Variants in ADGRL3 observed in about 807,000 individuals in gnomAD.
ADGRL3 encodes adhesion G protein-coupled receptor L3.
A neutral mutation model predicts 153.5 loss-of-function variants in ADGRL3; 62 were observed. That is an observed-to-expected ratio of 0.40 (90% CI 0.33 to 0.50). ADGRL3 has a LOEUF of 0.50. Ranked by LOEUF, ADGRL3 falls within the 20% of genes least tolerant of loss-of-function variation. ADGRL3 has a pLI of 0.47. For synonymous variants in ADGRL3, 710 were observed against 672.5 expected (o/e 1.06, Z -0.86); for missense variants, 1,641 against 1,859.4 (o/e 0.88, Z 2.16).
At chr4:61,768,113 G>A (rs1293460133) in intron 8 of ADGRL3, among the ~76,000 whole-genome samples, 2 of 152,114 alleles carry the variant, frequency 1.3e-5, no homozygotes, top group Non-Finnish European at 2.9e-5. Context: ...ATGAAAAAGA[G>A]CCTAAACGCT....
At chr4:61,661,831 A>G (rs1360856056) in intron 5 of ADGRL3, among the ~76,000 whole-genome samples, 1 of 152,360 alleles carries the variant, frequency 6.6e-6, no homozygotes, top group East Asian at 1.9e-4. Context: ...ATCAATATTA[A>G]AAAAGTTCCT....
chr4:61,472,196 A>T (rs1213784112), intron 2 of ADGRL3, among the ~76,000 whole-genome samples: 1 of 152,122 alleles, frequency 6.6e-6, no homozygotes, highest in Non-Finnish European at 1.5e-5. Flanking sequence ...TTTGGAGTTG[A>T]TAAGTGTTTA....
At chr4:61,518,777 G>A (rs747956303) in intron 4 of ADGRL3, among the ~76,000 whole-genome samples, 18 of 152,202 alleles carry the variant, frequency 1.2e-4, no homozygotes, top group African/African-American at 2.9e-4. Context: ...ATAGAAGCCT[G>A]TAGAATGGAC....
intron 1 of ADGRL3, among the ~76,000 whole-genome samples, chr4:61,206,706 G>A (rs771522871): frequency 5.3e-5 from 8 of 152,180 alleles, no homozygotes; most frequent in Non-Finnish European, 1.0e-4. Flanking sequence ...TAGAGGCTGA[G>A]TGCAGTGGCT....
intron 1 of ADGRL3, among the ~76,000 whole-genome samples, chr4:61,327,216 G>A (rs1222990347): frequency 6.6e-6 from 1 of 151,820 alleles, no homozygotes; most frequent in Non-Finnish European, 1.5e-5. Context: ...TATGTTAAAT[G>A]TATTCTTAGA....
chr4:61,512,672 A>G (rs1038400071), intron 3 of ADGRL3, among the ~76,000 whole-genome samples: 1 of 152,156 alleles, frequency 6.6e-6, no homozygotes, highest in African/African-American at 2.4e-5. Flanking sequence ...AGGAAATATT[A>G]TGAAATGTGA....
intron 2 of ADGRL3, among the ~76,000 whole-genome samples, chr4:61,432,895 C>A (rs113422764): frequency 6.6e-6 from 1 of 151,626 alleles, no homozygotes; most frequent in Non-Finnish European, 1.5e-5. Flanking sequence ...TCAGTTGATC[C>A]GCCTGCCTCA....
chr4:61,703,008 A>G (rs2095795805), intron 6 of ADGRL3, among the ~76,000 whole-genome samples: 1 of 152,084 alleles, frequency 6.6e-6, no homozygotes, highest in Middle Eastern at 3.2e-3. Flanking sequence ...TTAATTCAGT[A>G]TCACTGTGAT....
chr4:61,909,411 T>G, intron 11 of ADGRL3, 149 bp from the exon 12 acceptor site: 1 of 563,358 alleles, frequency 1.8e-6, no homozygotes, highest in Non-Finnish European at 3.0e-6. Flanking sequence ...GCAGGAAAAA[T>G]TGGGGAGTGT....
intron 1 of ADGRL3, among the ~76,000 whole-genome samples, chr4:61,212,852 T>A (rs764318340): frequency 4.3e-4 from 65 of 152,162 alleles, no homozygotes; most frequent in Non-Finnish European, 7.2e-4. Flanking sequence ...CATTTTTTTT[T>A]ATGATTTGAT....
chr4:61,642,577 C>T (rs1481186679), intron 5 of ADGRL3, among the ~76,000 whole-genome samples: 8 of 151,980 alleles, frequency 5.3e-5, no homozygotes, highest in South Asian at 2.1e-4. Flanking sequence ...TTGTCAGGTT[C>T]GTCAAATATC....
chr4:61,247,374 G>A (rs997936692), intron 1 of ADGRL3, among the ~76,000 whole-genome samples: 4 of 152,070 alleles, frequency 2.6e-5, no homozygotes, highest in Non-Finnish European at 5.9e-5. Flanking sequence ...TTCTTGTAAT[G>A]TAGATTCTAT....
intron 6 of ADGRL3, among the ~76,000 whole-genome samples, chr4:61,678,452 A>G (rs2095260379): frequency 6.6e-6 from 1 of 151,996 alleles, no homozygotes; most frequent in South Asian, 2.1e-4. Context: ...TATTACTTTA[A>G]AATGTCTTTG....
chr4:61,852,667 A>G (rs991209461), intron 9 of ADGRL3, among the ~76,000 whole-genome samples: 3 of 152,138 alleles, frequency 2.0e-5, no homozygotes, highest in African/African-American at 4.8e-5. Context: ...TGAATACCCC[A>G]GTTAGTTTAT....
chr4:61,383,139 T>G lies in ADGRL3; in HGVS notation c.-224T>G, dbSNP rs567687706. On this transcript the variant is annotated 5_prime_UTR_variant, in exon 2 of 27. Transcript: ENST00000683033. ...TTTTTTTCAGAAATGTTTAATTTGG[T>G]AAATTGGAGGAAAAAAACATGGATT... 3.0e-4 allele frequency: 46 copies of G among 151,788 alleles called. No individual in the cohort carries two copies. The highest frequency in any genetic ancestry group is 1.0e-3 in the South Asian group (5 of 4,824). 9.4% of individuals were successfully genotyped at this position (151,788 alleles called of 1,614,324 possible).
chr4:61,721,602 C>CA, intron 6 of ADGRL3, among the ~76,000 whole-genome samples: 1 of 152,206 alleles, frequency 6.6e-6, no homozygotes, highest in East Asian at 1.9e-4. Flanking sequence ...AACACCCTCA[C>CA]AGACACACCC....
chr4:61,339,473 T>C (rs966267912), intron 1 of ADGRL3, among the ~76,000 whole-genome samples: 9 of 152,300 alleles, frequency 5.9e-5, no homozygotes, highest in Non-Finnish European at 1.2e-4. Flanking sequence ...ATAAGTGAGC[T>C]GGCATTGGAT....
intron 1 of ADGRL3, among the ~76,000 whole-genome samples, chr4:61,224,775 A>G (rs1289733005): frequency 6.6e-6 from 1 of 152,206 alleles, no homozygotes; most frequent in East Asian, 1.9e-4. Context: ...ACCCGAGGGA[A>G]GGAATGGTGG....
In ADGRL3 at chr4:61,543,939, C is replaced by T. The variant is rs571812669; in HGVS notation, c.259+26421C>T. Among the ~76,000 whole-genome samples, 105 of 152,300 alleles carry T rather than the reference C, an allele frequency of 6.9e-4. 1 individual carries two copies. Among genetic ancestry groups the T allele is most frequent in the Admixed American group, 2.9e-3 (45 of 15,302 alleles). ...TACCACATTTTACCCATCCAGTCTC[C>T]TCAAGACTTTGTCTGCTCATATTAG... On this transcript the variant is annotated intron_variant, in intron 4 of 26. Transcript: ENST00000683033.
Sources: allele counts gnomAD v4.1 joint callset (sites outside exome capture counted in the v4.1 genomes callset), GRCh38; gene constraint gnomAD v4.1.1; transcripts MANE v1.5; gene names NCBI Gene and HGNC (gene_info 2026-07-23, HGNC 2026-07-21).